The following FGF2 variants were observed in gnomAD, a reference collection of about 807,000 sequenced individuals.
The protein encoded by FGF2 is fibroblast growth factor 2.
In FGF2, 13 loss-of-function variants were observed where a neutral mutation model predicts 15.9. The observed-to-expected ratio is 0.82, with a 90% confidence interval of 0.53 to 1.30. The LOEUF (loss-of-function observed/expected upper bound fraction) is 1.30, where lower values mean the gene tolerates loss of function less well. FGF2 is among the 50% of genes most tolerant of loss of function. The probability of loss-of-function intolerance (pLI) is 0.00; values close to 1 mark genes in which losing one functional copy is unlikely to be tolerated. For synonymous variants in FGF2, 90 were observed against 78.4 expected (o/e 1.15, Z -0.78); for missense variants, 163 against 196.9 (o/e 0.83, Z 1.03).
In FGF2 at chr4:122,897,338, G is replaced by A. The variant is rs530807859; in HGVS notation, c.*4942G>A. 6.4e-4 allele frequency: 233 copies of A among 364,822 alleles called. 3 individuals carry two copies. In the South Asian group the frequency reaches 9.0e-3, roughly 14 times the overall value. The allele number at this position is 364,822 out of a possible 1,614,324, so 22.6% of individuals were successfully genotyped here. On this transcript the variant is annotated 3_prime_UTR_variant, in exon 3 of 3. Transcript: ENST00000644866. The stretch of plus-strand genomic sequence containing the variant: ...ACCTTTAATGCTAAACTTTACTGAT[G>A]TATATCCAAAGCTTCTCATTTTCAG...
intron 1 of FGF2, among the ~76,000 whole-genome samples, chr4:122,844,610 C>CCTTCCTTCCTTCCTTCCTTCCTTT (rs1726069820): frequency 7.6e-6 from 1 of 131,022 alleles, no homozygotes; most frequent in African/African-American, 2.7e-5. Context: ...TTCCTTCCTT[C>CCTTCCTTCCTTCCTTCCTTCCTTT]CTTCCTTTCT....
intron 1 of FGF2, among the ~76,000 whole-genome samples, chr4:122,873,284 C>G (rs1374420024): frequency 5.9e-5 from 9 of 152,230 alleles, no homozygotes. Context: ...CACTTTCAGC[C>G]CTTTGACCTG....
chr4:122,836,520 A>C (rs1196825846), intron 1 of FGF2, among the ~76,000 whole-genome samples: 2 of 152,154 alleles, frequency 1.3e-5, no homozygotes, highest in African/African-American at 4.8e-5. Context: ...GTTTTACTGG[A>C]AATTCCTAGC....
In FGF2 at chr4:122,863,361, A is replaced by G. The variant is rs1048595811; in HGVS notation, c.179-12960A>G. 3.9e-5 allele frequency among the ~76,000 whole-genome samples: 6 copies of G among 151,926 alleles called. No individual in the cohort carries two copies. In the South Asian group the frequency reaches 1.2e-3, roughly 32 times the overall value. On this transcript the variant is annotated intron_variant, in intron 1 of 2. Transcript: ENST00000644866. ...CTTCCATCCTTTTTTCTCCCTTGCA[A>G]TTACTTGCTAAAGAAATTGGATTGT...
At chr4:122,867,938 G>A (rs76621038) in intron 1 of FGF2, among the ~76,000 whole-genome samples, 1 of 152,128 alleles carries the variant, frequency 6.6e-6, no homozygotes, top group African/African-American at 2.4e-5. Flanking sequence ...AGCCAGATCA[G>A]CTTTCTTATA....
intron 1 of FGF2, among the ~76,000 whole-genome samples, chr4:122,833,216 T>C (rs2150761824): frequency 6.6e-6 from 1 of 152,278 alleles, no homozygotes; most frequent in East Asian, 1.9e-4. Flanking sequence ...TGTGTATTTG[T>C]ATTTTTATAG....
chr4:122,881,347 C>T (rs954755126), intron 2 of FGF2, among the ~76,000 whole-genome samples: 1 of 152,178 alleles, frequency 6.6e-6, no homozygotes, highest in Non-Finnish European at 1.5e-5. Context: ...CTTTTCTATT[C>T]CATGGTCAGG....
At chr4:122,844,854 C>T (rs1190771428) in intron 1 of FGF2, among the ~76,000 whole-genome samples, 1 of 152,054 alleles carries the variant, frequency 6.6e-6, no homozygotes, top group African/African-American at 2.4e-5. Flanking sequence ...CCAGTCTGGC[C>T]TTGAACTCCT....
chr4:122,827,325 G>A lies in FGF2; in HGVS notation c.151G>A (p.Gly51Arg), dbSNP rs761829108. 16 of 1,612,958 alleles carry A rather than the reference G, an allele frequency of 9.9e-6. No homozygotes were observed. In the South Asian group the frequency reaches 1.4e-4, roughly 14 times the overall value. Reference sequence around the variant, plus strand: ...CATCCACCCCGACGGCCGAGTTGACGGGGTCCGGGAGAAGAGCGACCCTCA... The same window carrying A: ...CATCCACCCCGACGGCCGAGTTGACAGGGTCCGGGAGAAGAGCGACCCTCA... Reference protein sequence around the residue: ...LRIHPDGRVDGVREKSDPHIK... With the variant: ...LRIHPDGRVDRVREKSDPHIK... Residue 51 changes from glycine (G) to arginine (R), a missense_variant, in exon 1 of 3, where the codon GGG becomes AGG. Gly to Arg is a moderately radical substitution (Grantham distance 125). Coordinates refer to ENST00000644866, the MANE Select transcript of FGF2 (RefSeq NM_001361665.2). The surrounding 1 kb of genome is among the most constrained non-coding windows in gnomAD (Gnocchi z 4.2).
At chr4:122,872,658 C>A (rs942396118) in intron 1 of FGF2, among the ~76,000 whole-genome samples, 1 of 152,162 alleles carries the variant, frequency 6.6e-6, no homozygotes, top group Non-Finnish European at 1.5e-5. Context: ...GGAAGCCCAT[C>A]GGACTAACAG....
chr4:122,827,391 C>G lies in FGF2; in HGVS notation c.178+39C>G. On this transcript the variant is annotated intron_variant, in intron 1 of 2. Transcript: ENST00000644866. The surrounding 1 kb of genome is among the most constrained non-coding windows in gnomAD (Gnocchi z 4.2). ...CGCTCTCTCCGCCTCATTTCCATTT[C>G]GTGGGTTCTCGCCCGCTCTCTCCCC... 6.2e-7 allele frequency: 1 copy of G among 1,607,360 alleles called. No homozygotes were observed. Among genetic ancestry groups the G allele is most frequent in the Non-Finnish European group, 8.5e-7 (1 of 1,175,692 alleles).
intron 1 of FGF2, among the ~76,000 whole-genome samples, chr4:122,860,360 T>A (rs1209642797): frequency 6.6e-6 from 1 of 152,064 alleles, no homozygotes; most frequent in Non-Finnish European, 1.5e-5. Context: ...AAACTTTTTA[T>A]TTTGGAATAA....
chr4:122,871,765 C>T (rs1354517739), intron 1 of FGF2, among the ~76,000 whole-genome samples: 3 of 140,966 alleles, frequency 2.1e-5, no homozygotes, highest in Non-Finnish European at 4.5e-5. Flanking sequence ...AGAAGAGGGA[C>T]CTGACCATTG....
In FGF2 at chr4:122,896,975, G is replaced by C. The variant is rs373076210; in HGVS notation, c.*4579G>C. 1 of 151,944 alleles carries C rather than the reference G, an allele frequency of 6.6e-6. No individual in the cohort carries two copies. Among genetic ancestry groups the C allele is most frequent in the Admixed American group, 6.6e-5 (1 of 15,246 alleles). The allele number at this position is 151,944 out of a possible 1,614,324, so 9.4% of individuals were successfully genotyped here. On this transcript the variant is annotated 3_prime_UTR_variant, in exon 3 of 3. Coordinates refer to ENST00000644866, the MANE Select transcript of FGF2 (RefSeq NM_001361665.2). ...TAGGAAAATTTGGTTTCTATTTTTC[G>C]ATTTCCTGTAAATCAGTGACATAAA...
At chr4:122,836,837 G>A (rs1410359713) in intron 1 of FGF2, among the ~76,000 whole-genome samples, 2 of 152,220 alleles carry the variant, frequency 1.3e-5, no homozygotes, top group Non-Finnish European at 2.9e-5. Flanking sequence ...TAAAGGCAAA[G>A]CGTAGTCATT....
chr4:122,890,864 G>C, intron 2 of FGF2, among the ~76,000 whole-genome samples: 1 of 151,894 alleles, frequency 6.6e-6, no homozygotes, highest in Non-Finnish European at 1.5e-5. Flanking sequence ...ATTTACATGT[G>C]TTTTCTATAT....
At position 122,892,945 on chromosome 4, in the gene FGF2, C is replaced by G. The variant is rs760571272; in HGVS notation, c.*549C>G. 1.2e-6 allele frequency: 2 copies of G among 1,613,998 alleles called. No homozygotes were observed. The highest frequency in any genetic ancestry group is 1.3e-5 in the African/African-American group (1 of 74,886). ...CCACAGTCAGGTCAATTTTGTCAAA[C>G]CCTTCTCTGTACCCATACAGCAGCA... On this transcript the variant is annotated 3_prime_UTR_variant, in exon 3 of 3. Transcript: ENST00000644866.
intron 2 of FGF2, chr4:122,883,338 C>T (rs1200733218): frequency 1.3e-5 from 2 of 152,000 alleles, no homozygotes; most frequent in Non-Finnish European, 2.9e-5. Context: ...CCGTTTTTTC[C>T]CCAACACCTT....
At chr4:122,838,587 C>A (rs1725912970) in intron 1 of FGF2, among the ~76,000 whole-genome samples, 1 of 152,134 alleles carries the variant, frequency 6.6e-6, no homozygotes, top group Non-Finnish European at 1.5e-5. Flanking sequence ...AAGTTCATGG[C>A]CAGAATTCCG....
Sources: gnomAD v4.1 joint callset for allele counts (sites outside exome capture counted in the v4.1 genomes callset) on GRCh38, gnomAD v4.1.1 for gene constraint, Gnocchi (gnomAD v3.1) non-coding constraint, MANE v1.5 for transcripts, NCBI Gene and HGNC (gene_info 2026-07-23, HGNC 2026-07-21) for gene names.